DRC8: variants seen among roughly 807,000 people sequenced by gnomAD.
DRC8 encodes the protein dynein regulatory complex subunit 8, also known as dynein regulatory complex protein 8.
chr1:245,002,457 T>C, the DRC8 span, among the ~76,000 whole-genome samples: 29 of 152,328 alleles, frequency 1.9e-4, no homozygotes, highest in African/African-American at 7.0e-4. Context: ...CCACCTTGCG[T>C]ACTCTCATTC....
the DRC8 span, among the ~76,000 whole-genome samples, chr1:244,999,911 C>T: frequency 4.1e-4 from 63 of 152,242 alleles, no homozygotes; most frequent in South Asian, 2.5e-3. Flanking sequence ...CTCTGCCTCC[C>T]GGGTTCAAGC....
chr1:245,073,803 A>G, the DRC8 span, among the ~76,000 whole-genome samples: 3 of 152,192 alleles, frequency 2.0e-5, no homozygotes, highest in South Asian at 6.2e-4. Flanking sequence ...TATATACAGA[A>G]GTGATCTGTA....
At chr1:245,098,765 T>G in the DRC8 span, among the ~76,000 whole-genome samples, 1 of 152,240 alleles carries the variant, frequency 6.6e-6, no homozygotes, top group South Asian at 2.1e-4. Flanking sequence ...CCTTCAGTCC[T>G]GAGGACCATT....
chr1:245,034,309 A>G, the DRC8 span, among the ~76,000 whole-genome samples: 55,163 of 151,936 alleles, frequency 0.36, 10,319 homozygotes, highest in African/African-American at 0.47. Flanking sequence ...ATTTGAAAAC[A>G]GAAATGACAG....
At chr1:244,997,130 A>G in the DRC8 span, among the ~76,000 whole-genome samples, 1 of 152,146 alleles carries the variant, frequency 6.6e-6, no homozygotes, top group Non-Finnish European at 1.5e-5. Context: ...TTCCCCAAAT[A>G]TTTTCAATAT....
chr1:244,972,096 T>A, the DRC8 span, among the ~76,000 whole-genome samples: 1 of 152,220 alleles, frequency 6.6e-6, no homozygotes, highest in Non-Finnish European at 1.5e-5. Context: ...ATTTCTCGTT[T>A]TTTAAAAACT....
the DRC8 span, among the ~76,000 whole-genome samples, chr1:245,074,227 A>G: frequency 1.3e-5 from 2 of 152,230 alleles, no homozygotes; most frequent in Non-Finnish European, 2.9e-5. Context: ...ATCACAACCA[A>G]GAATAAAGCT....
the DRC8 span, among the ~76,000 whole-genome samples, chr1:245,070,458 A>G: frequency 1.3e-5 from 2 of 152,240 alleles, no homozygotes; most frequent in Non-Finnish European, 2.9e-5. Flanking sequence ...CTTGTGAAGC[A>G]AGCCAAGGCA....
the DRC8 span, among the ~76,000 whole-genome samples, chr1:245,053,863 C>T: frequency 5.9e-5 from 9 of 152,054 alleles, no homozygotes; most frequent in Non-Finnish European, 1.3e-4. Context: ...TAGGGAAGAA[C>T]TTGCCATTCT....
At chr1:245,100,550 G>A in the DRC8 span, among the ~76,000 whole-genome samples, 4 of 152,196 alleles carry the variant, frequency 2.6e-5, no homozygotes, top group South Asian at 8.3e-4. Flanking sequence ...AGAGGCTGAG[G>A]CTGGTGGATT....
the DRC8 span, among the ~76,000 whole-genome samples, chr1:245,077,000 C>A: frequency 6.6e-6 from 1 of 152,172 alleles, no homozygotes; most frequent in Non-Finnish European, 1.5e-5. Context: ...GCTGGGATTA[C>A]AGGCGTGAAA....
chr1:245,058,707 T>G, the DRC8 span, among the ~76,000 whole-genome samples: 1 of 152,240 alleles, frequency 6.6e-6, no homozygotes, highest in Non-Finnish European at 1.5e-5. Context: ...ATACTTTTCT[T>G]AGGTTATTTG....
chr1:245,072,996 A>G, the DRC8 span, among the ~76,000 whole-genome samples: 1 of 152,228 alleles, frequency 6.6e-6, no homozygotes, highest in South Asian at 2.1e-4. Context: ...CTGTGAGCCA[A>G]TTCAACCTCT....
At chr1:245,072,605 A>C in the DRC8 span, among the ~76,000 whole-genome samples, 2 of 152,154 alleles carry the variant, frequency 1.3e-5, no homozygotes, top group Non-Finnish European at 2.9e-5. Context: ...GTTGTTATGC[A>C]TTTGTCCACA....
chr1:245,006,196 A>G, the DRC8 span, among the ~76,000 whole-genome samples: 1 of 152,228 alleles, frequency 6.6e-6, no homozygotes, highest in African/African-American at 2.4e-5. Flanking sequence ...AGATCATCCT[A>G]GCAAAATGTG....
the DRC8 span, among the ~76,000 whole-genome samples, chr1:245,026,610 G>A: frequency 4.6e-5 from 7 of 152,118 alleles, no homozygotes; most frequent in Non-Finnish European, 1.0e-4. Flanking sequence ...AAGAGGAATG[G>A]GAATTGCTGG....
At chr1:245,046,730 C>T in the DRC8 span, among the ~76,000 whole-genome samples, 1 of 151,638 alleles carries the variant, frequency 6.6e-6, no homozygotes, top group African/African-American at 2.4e-5. Context: ...GAAATAAATG[C>T]ATCTCATTTC....
chr1:245,033,072 T>G, the DRC8 span, among the ~76,000 whole-genome samples: 3 of 152,102 alleles, frequency 2.0e-5, no homozygotes, highest in Admixed American at 6.6e-5. Context: ...GCAGTAGTTC[T>G]TAATCCTGGG....
At chr1:244,977,741 C>A in the DRC8 span, among the ~76,000 whole-genome samples, 4 of 152,030 alleles carry the variant, frequency 2.6e-5, no homozygotes, top group Admixed American at 6.6e-5. Context: ...GATATTTATC[C>A]TTAGAAATAT....
Sources: gnomAD v4.1 joint callset for allele counts (sites outside exome capture counted in the v4.1 genomes callset) on GRCh38, gnomAD v4.1.1 for gene constraint, MANE v1.5 for transcripts, NCBI Gene and HGNC (gene_info 2026-07-23, HGNC 2026-07-21) for gene names.